PTPRK: variants seen among roughly 807,000 people sequenced by gnomAD.
PTPRK encodes the protein receptor-type tyrosine-protein phosphatase kappa.
Under a neutral mutation model 178.0 loss-of-function variants are expected in PTPRK, and 75 were observed. The ratio of observed to expected loss-of-function variants is 0.42; its 90% CI spans 0.35 to 0.51. PTPRK has a LOEUF of 0.51. Ranked by LOEUF, PTPRK falls within the 20% of genes least tolerant of loss-of-function variation. PTPRK has a pLI of 0.02. For missense variants in PTPRK, 1,441 were observed against 1,797.8 expected (o/e 0.80, Z 3.59); for synonymous variants, 637 against 620.6 (o/e 1.03, Z -0.39).
intron 3 of PTPRK, among the ~76,000 whole-genome samples, chr6:128,258,894 G>A (rs954867484): frequency 6.6e-6 from 1 of 152,188 alleles, no homozygotes; most frequent in Non-Finnish European, 1.5e-5. Context: ...GAGAGCAGAA[G>A]ACAATTTAAC....
At chr6:128,171,303 C>T (rs903003256) in intron 7 of PTPRK, among the ~76,000 whole-genome samples, 1 of 151,952 alleles carries the variant, frequency 6.6e-6, no homozygotes, top group South Asian at 2.1e-4. Flanking sequence ...AAAGATTGAA[C>T]CGCACTTTCA....
intron 13 of PTPRK, among the ~76,000 whole-genome samples, chr6:128,022,425 A>G (rs575016967): frequency 6.6e-6 from 1 of 152,310 alleles, no homozygotes; most frequent in African/African-American, 2.4e-5. Flanking sequence ...GCCTTTAAGC[A>G]AGTGACTTCA....
Position 128,117,899 on chromosome 6 carries a change from C to T in PTPRK, c.1163-27907G>A, listed in dbSNP as rs559601052. 3.3e-5 allele frequency among the ~76,000 whole-genome samples: 5 copies of T among 152,278 alleles called. No homozygotes were observed. In the East Asian group the frequency reaches 9.7e-4, roughly 29 times the overall value. Reference sequence around the variant, plus strand: ...AACTCCTGACCTCAGGCAATCCACCCACGTCGGCCAAAGTGTTGGGGTTAC... The same window carrying T: ...AACTCCTGACCTCAGGCAATCCACCTACGTCGGCCAAAGTGTTGGGGTTAC... On this transcript the variant is annotated intron_variant, in intron 7 of 29. Coordinates refer to ENST00000368226, the MANE Select transcript of PTPRK (RefSeq NM_002844.4).
chr6:128,487,297 G>C (rs1043070004), intron 1 of PTPRK, among the ~76,000 whole-genome samples: 6 of 150,694 alleles, frequency 4.0e-5, no homozygotes, highest in Admixed American at 1.3e-4. Context: ...GTCCCTCCAG[G>C]ACTGTGTTGG....
At chr6:128,369,797 C>T (rs1836011773) in intron 2 of PTPRK, among the ~76,000 whole-genome samples, 2 of 152,032 alleles carry the variant, frequency 1.3e-5, no homozygotes, top group African/African-American at 4.8e-5. Context: ...TATTTTATAG[C>T]TATGCTAGTG....
At chr6:128,279,212 TAA>T (rs58937614) in intron 3 of PTPRK, among the ~76,000 whole-genome samples, 678 of 145,100 alleles carry the variant, frequency 4.7e-3, no homozygotes, top group Middle Eastern at 0.014. Context: ...GAGGTTAAAT[TAA>T]AAAAAAAAAA....
chr6:128,168,837 C>T (rs1257458879), intron 7 of PTPRK, among the ~76,000 whole-genome samples: 2 of 152,044 alleles, frequency 1.3e-5, no homozygotes, highest in African/African-American at 4.8e-5. Context: ...TGAAAACAAG[C>T]TAAATGCCCA....
chr6:128,193,472 T>TTG (rs10681233), intron 6 of PTPRK, among the ~76,000 whole-genome samples: 10,688 of 148,892 alleles, frequency 0.072, 742 homozygotes, highest in East Asian at 0.34. Context: ...GTACTAATAC[T>TTG]TGTGTGTGTG....
chr6:128,425,429 C>T (rs1844015254), intron 1 of PTPRK, among the ~76,000 whole-genome samples: 1 of 152,032 alleles, frequency 6.6e-6, no homozygotes, highest in Non-Finnish European at 1.5e-5. Flanking sequence ...CCCCGAGTCC[C>T]CAAAGGCTAA....
At chr6:128,218,896 G>A (rs926353650) in intron 6 of PTPRK, 26 bp downstream of exon 6, 4 of 1,577,314 alleles carry the variant, frequency 2.5e-6, no homozygotes, top group South Asian at 2.3e-5. Context: ...ATGCAATTTC[G>A]TGAAGTGAAA....
chr6:128,048,468 G>A (rs933564753), intron 13 of PTPRK, among the ~76,000 whole-genome samples: 1 of 152,174 alleles, frequency 6.6e-6, no homozygotes, highest in African/African-American at 2.4e-5. Flanking sequence ...CATGGGTGAT[G>A]CCCTCATTCC....
chr6:128,415,878 T>C (rs564557329), intron 1 of PTPRK, among the ~76,000 whole-genome samples: 2 of 152,256 alleles, frequency 1.3e-5, no homozygotes, highest in Non-Finnish European at 2.9e-5. Flanking sequence ...TTCCTATATA[T>C]ACGATAAAAA....
chr6:128,209,165 A>G (rs1807600462), intron 6 of PTPRK, among the ~76,000 whole-genome samples: 1 of 151,946 alleles, frequency 6.6e-6, no homozygotes, highest in Non-Finnish European at 1.5e-5. Flanking sequence ...AAAACGCGCC[A>G]TTTTCCACAT....
intron 7 of PTPRK, among the ~76,000 whole-genome samples, chr6:128,136,894 A>C (rs1287074673): frequency 6.6e-6 from 1 of 152,116 alleles, no homozygotes; most frequent in Non-Finnish European, 1.5e-5. Flanking sequence ...CAAACCCCAG[A>C]ATCTATCCTC....
chr6:128,184,198 A>G (rs1802390238), intron 7 of PTPRK, among the ~76,000 whole-genome samples: 1 of 152,186 alleles, frequency 6.6e-6, no homozygotes, highest in Admixed American at 6.6e-5. Context: ...ACCATGCCAA[A>G]AAAGGACTCT....
chr6:128,171,044 C>T (rs1800172359), intron 7 of PTPRK, among the ~76,000 whole-genome samples: 2 of 151,846 alleles, frequency 1.3e-5, no homozygotes, highest in South Asian at 4.1e-4. Flanking sequence ...ATAATTCTCC[C>T]ATATAATGTA....
At chr6:128,278,842 T>C (rs745928302) in intron 3 of PTPRK, among the ~76,000 whole-genome samples, 2 of 152,194 alleles carry the variant, frequency 1.3e-5, no homozygotes, top group African/African-American at 4.8e-5. Context: ...AGATAAAATG[T>C]ATTAGAGACA....
chr6:128,195,574 T>A (rs967031370), intron 6 of PTPRK, among the ~76,000 whole-genome samples: 5 of 152,156 alleles, frequency 3.3e-5, no homozygotes, highest in Non-Finnish European at 7.4e-5. Context: ...CGATGACTTG[T>A]CCAGGCATAT....
chr6:128,211,522 C>T (rs796728213), intron 6 of PTPRK, among the ~76,000 whole-genome samples: 31 of 152,184 alleles, frequency 2.0e-4, no homozygotes, highest in African/African-American at 6.3e-4. Context: ...TTGATCGACA[C>T]ATTAATAAAT....
Sources: allele counts gnomAD v4.1 joint callset (sites outside exome capture counted in the v4.1 genomes callset), GRCh38; gene constraint gnomAD v4.1.1; transcripts MANE v1.5; gene names NCBI Gene and HGNC (gene_info 2026-07-23, HGNC 2026-07-21).